CYP7A1: variants seen among roughly 807,000 people sequenced by gnomAD.
The protein encoded by CYP7A1 is cytochrome P450 family 7 subfamily A member 1.
CYP7A1 carries 28 observed loss-of-function variants against 43.8 expected under a neutral mutation model. The ratio of observed to expected loss-of-function variants is 0.64; its 90% CI spans 0.47 to 0.88. CYP7A1 has a LOEUF of 0.88. Ranked by LOEUF, CYP7A1 falls within the 40% of genes least tolerant of loss-of-function variation. The pLI is 0.00. For synonymous variants in CYP7A1, 227 were observed against 222.5 expected, an observed-to-expected ratio of 1.02 and a Z score of -0.18; for missense variants, 637 against 611.9, an observed-to-expected ratio of 1.04 and a Z score of -0.43.
chr8:58,495,151 TAATA>T (rs1393922560), intron 3 of CYP7A1, among the ~76,000 whole-genome samples: 1 of 151,370 alleles, frequency 6.6e-6, no homozygotes, highest in Non-Finnish European at 1.5e-5. Context: ...AAAATAATAA[TAATA>T]ATTAAAAAAT....
chr8:58,495,730 T>C (rs1181481942), intron 3 of CYP7A1, among the ~76,000 whole-genome samples: 1 of 152,238 alleles, frequency 6.6e-6, no homozygotes, highest in Non-Finnish European at 1.5e-5. Context: ...CTGGATGTGC[T>C]TTTTCAAGTA....
In CYP7A1 at chr8:58,491,379, A is replaced by G; in HGVS notation, c.*96T>C. ...ACATTGGACCTGGTGAATCATTTCTACCACCACTAAATGCATTTGTCCAAA... is the reference window on the plus strand; with the variant it reads ...ACATTGGACCTGGTGAATCATTTCTGCCACCACTAAATGCATTTGTCCAAA... On this transcript the variant is annotated 3_prime_UTR_variant, in exon 6 of 6. Transcript: ENST00000301645. 8.7e-7 allele frequency: 1 copy of G among 1,146,618 alleles called. No homozygotes were observed. The highest frequency in any genetic ancestry group is 1.3e-6 in the Non-Finnish European group (1 of 782,166). 71.0% of individuals were successfully genotyped at this position (1,146,618 alleles called of 1,614,324 possible).
Position 58,491,697 on chromosome 8 carries a change from C to A in CYP7A1, c.1293G>T (p.Lys431Asn), listed in dbSNP as rs370236722. The change falls in exon 6 of 6, where the codon AAG becomes AAT. Residue 431 changes from lysine to asparagine, a missense_variant. Coordinates refer to ENST00000301645, the MANE Select transcript of CYP7A1 (RefSeq NM_000780.4). ...TTFYCNGLKL[K>N]YYYMPFGSGA... is the part of the protein sequence containing the mutation. ...CCGATCCAAAGGGCATGTAGTAATA[C>A]TTTAACTTGAGTCCATTACAATAGA... 139 of 1,613,668 alleles carry A rather than the reference C, an allele frequency of 8.6e-5. No individual in the cohort carries two copies. Among genetic ancestry groups the A allele is most frequent in the Non-Finnish European group, 1.1e-4 (133 of 1,179,662 alleles).
Position 58,500,133 on chromosome 8 carries a change from A to T in CYP7A1, c.-35T>A. The T allele has an allele frequency of 1.3e-6, 2 of 1,542,084 alleles. No homozygotes were observed. The highest frequency in any genetic ancestry group is 9.0e-7 in the Non-Finnish European group (1 of 1,114,696). On this transcript the variant is annotated 5_prime_UTR_variant, in exon 1 of 6. Transcript: ENST00000301645. Reference sequence around the variant, plus strand: ...CTAGGCCAAAATCTCTGAGGAAGAAAATCTCTGATTAGAAAGGGAAGGATG... The same window carrying T: ...CTAGGCCAAAATCTCTGAGGAAGAATATCTCTGATTAGAAAGGGAAGGATG...
chr8:58,492,899 C>T (rs775440432), intron 4 of CYP7A1, among the ~76,000 whole-genome samples: 3 of 152,056 alleles, frequency 2.0e-5, no homozygotes, highest in Admixed American at 6.6e-5. Flanking sequence ...CGAGTAGCTG[C>T]GACTATAGGC....
chr8:58,492,789 G>A (rs546168098), intron 4 of CYP7A1, among the ~76,000 whole-genome samples: 24 of 152,072 alleles, frequency 1.6e-4, no homozygotes, highest in Non-Finnish European at 2.8e-4. Context: ...TTTTTAGCCA[G>A]GGTCTCATTC....
At chr8:58,497,360 C>T (rs1414262912) in intron 2 of CYP7A1, among the ~76,000 whole-genome samples, 170 bp from the exon 3 acceptor site, 1 of 152,152 alleles carries the variant, frequency 6.6e-6, no homozygotes, top group African/African-American at 2.4e-5. Flanking sequence ...CAAACTGTAC[C>T]TTTCCTTTAA....
At chr8:58,493,829 G>T (rs556852700) in intron 4 of CYP7A1, among the ~76,000 whole-genome samples, 2 of 152,014 alleles carry the variant, frequency 1.3e-5, no homozygotes, top group East Asian at 3.9e-4. Flanking sequence ...GTGAAACCCC[G>T]TCTCTACTAA....
rs990998511 is a variant in CYP7A1 at position 58,490,436 on chromosome 8, A to C, written c.*1039T>G. 2.0e-5 allele frequency: 3 copies of C among 152,238 alleles called. No homozygotes were observed. Among genetic ancestry groups the C allele is most frequent in the African/African-American group, 4.8e-5 (2 of 41,458 alleles). 9.4% of individuals were successfully genotyped at this position (152,238 alleles called of 1,614,324 possible). On this transcript the variant is annotated 3_prime_UTR_variant, in exon 6 of 6. Transcript: ENST00000301645. ...TCATTTAGCGATAAAAAGCATTTAA[A>C]TAAAACATAATGTCAAGCTGCACTT...
At chr8:58,496,248 C>T (rs1421457687) in intron 3 of CYP7A1, among the ~76,000 whole-genome samples, 1 of 152,180 alleles carries the variant, frequency 6.6e-6, no homozygotes, top group South Asian at 2.1e-4. Flanking sequence ...ATGAAAACTG[C>T]ATTTATGGAG....
rs1809333274 is a variant in CYP7A1, at chr8:58,490,501, G to A, written c.*974C>T. 1 of 152,060 alleles carries A rather than the reference G, an allele frequency of 6.6e-6. No homozygotes were observed. Among genetic ancestry groups the A allele is most frequent in the African/African-American group, 2.4e-5 (1 of 41,392 alleles). The allele number at this position is 152,060 out of a possible 1,614,324, so 9.4% of individuals were successfully genotyped here. A position where few individuals can be genotyped will look rare whatever the true frequency, so the allele number is the denominator to read the frequency against. On this transcript the variant is annotated 3_prime_UTR_variant, in exon 6 of 6. Transcript: ENST00000301645. The stretch of plus-strand genomic sequence containing the variant: ...GTTTCATAACCAAAGCTTCCAAATG[G>A]CTATTTCCATCCAGTTTTAACTTTA...
chr8:58,492,721 A>G (rs1456360903), intron 4 of CYP7A1, among the ~76,000 whole-genome samples, 193 bp from the exon 5 acceptor site: 2 of 152,120 alleles, frequency 1.3e-5, no homozygotes, highest in African/African-American at 2.4e-5. Context: ...TCTTTCTGTT[A>G]CCACTATGCT....
chr8:58,494,756 A>G, intron 3 of CYP7A1, 120 bp from the exon 4 acceptor site: 1 of 887,256 alleles, frequency 1.1e-6, no homozygotes, highest in Non-Finnish European at 1.8e-6. Flanking sequence ...ATACCAGGGG[A>G]GGAGGGAAAG....
intron 3 of CYP7A1, among the ~76,000 whole-genome samples, chr8:58,495,804 A>C (rs568961197): frequency 2.6e-5 from 4 of 152,332 alleles, no homozygotes; most frequent in South Asian, 4.1e-4. Context: ...TCTGAAATTA[A>C]GTTTTAAAAT....
chr8:58,491,841 C>A, intron 5 of CYP7A1, 67 bp from the exon 6 acceptor site: 1 of 1,331,588 alleles, frequency 7.5e-7, no homozygotes, highest in Non-Finnish European at 1.1e-6. Flanking sequence ...CTTTCTAAAC[C>A]TGGAAGCTCC....
At chr8:58,495,134 G>GA (rs897791186) in intron 3 of CYP7A1, among the ~76,000 whole-genome samples, 8 of 144,706 alleles carry the variant, frequency 5.5e-5, no homozygotes, top group East Asian at 2.0e-4. Context: ...ACTCTGTCTC[G>GA]AAAAAAAAAA....
rs1009920491 is a variant in CYP7A1 at position 58,490,381 on chromosome 8, C to T, written c.*1094G>A. ...TTGTTGTACACAGCATTTAAACACT[C>T]GAGTCACCTTAGTTTTTTTCATCTG... On this transcript the variant is annotated 3_prime_UTR_variant, in exon 6 of 6. Transcript: ENST00000301645. The T allele has an allele frequency of 1.3e-5, 2 of 152,062 alleles. No individual in the cohort carries two copies. The highest frequency in any genetic ancestry group is 2.4e-5 in the African/African-American group (1 of 41,404). The allele number at this position is 152,062 out of a possible 1,614,324, so 9.4% of individuals were successfully genotyped here.
rs764439951 is a variant in CYP7A1, at chr8:58,491,569, G to A, written c.1421C>T (p.Ala474Val). The change falls in exon 6 of 6, where the codon GCT (alanine) becomes GTT (valine). Residue 474 changes from alanine (A) to valine (V), a missense_variant. Physicochemically the swap from Ala to Val is moderately conservative, Grantham distance 64 (BLOSUM62 0). Coordinates refer to ENST00000301645, the MANE Select transcript of CYP7A1 (RefSeq NM_000780.4). ...YFELELIEGQ[A>V]KCPPLDQSRA... is the part of the protein sequence containing the mutation. ...GGACTGGTCCAAAGGTGGACATTTA[G>A]CTTGGCCCTCTATAAGCTCCAATTC... 10 of 1,614,048 alleles carry A rather than the reference G, an allele frequency of 6.2e-6. No individual in the cohort carries two copies. The South Asian group carries it at 9.9e-5, about 16-fold the overall frequency.
chr8:58,492,144 A>G (rs2129605776), intron 5 of CYP7A1, among the ~76,000 whole-genome samples: 1 of 152,366 alleles, frequency 6.6e-6, no homozygotes, highest in African/African-American at 2.4e-5. Context: ...ATAATCTAGC[A>G]AAGACTGTGT....
Sources: gnomAD v4.1 joint callset for allele counts (sites outside exome capture counted in the v4.1 genomes callset) on GRCh38, gnomAD v4.1.1 for gene constraint, MANE v1.5 for transcripts, NCBI Gene and HGNC (gene_info 2026-07-23, HGNC 2026-07-21) for gene names.